RASGRF2: variants seen among roughly 807,000 people sequenced by gnomAD.
The protein encoded by RASGRF2 is ras-specific guanine nucleotide-releasing factor 2.
A neutral mutation model predicts 151.0 loss-of-function variants in RASGRF2; 76 were observed. The observed-to-expected ratio is 0.50, with a 90% CI of 0.42 to 0.61. The LOEUF (loss-of-function observed/expected upper bound fraction) is 0.61, where lower values mean the gene tolerates loss of function less well. RASGRF2 is among the 20% of genes least tolerant of loss of function. The pLI is 0.00. For missense variants in RASGRF2, 1,148 were observed against 1,564.6 expected (o/e 0.73, Z 4.49); for synonymous variants, 504 against 566.5 (o/e 0.89, Z 1.57).
At chr5:81,109,615 G>A (rs564981684) in intron 13 of RASGRF2, among the ~76,000 whole-genome samples, 184 of 152,224 alleles carry the variant, frequency 1.2e-3, no homozygotes, top group African/African-American at 4.4e-3. Flanking sequence ...GCAGTGAGCC[G>A]AGATCACGCC....
intron 23 of RASGRF2, 72 bp from the exon 24 acceptor site, chr5:81,215,804 A>G: frequency 1.4e-6 from 2 of 1,412,614 alleles, no homozygotes; most frequent in South Asian, 1.8e-5. Flanking sequence ...AGAACTGAAC[A>G]TCTTTTGGCA....
At chr5:80,961,639 A>T (rs1747561664) in intron 1 of RASGRF2, among the ~76,000 whole-genome samples, 1 of 152,134 alleles carries the variant, frequency 6.6e-6, no homozygotes. Context: ...ATTCCTCAGG[A>T]TTAATATTTG....
chr5:81,045,264 T>G (rs1056216849), intron 2 of RASGRF2, among the ~76,000 whole-genome samples: 2 of 152,196 alleles, frequency 1.3e-5, no homozygotes, highest in African/African-American at 4.8e-5. Context: ...AACATGCCTG[T>G]TTTCCTATCT....
At chr5:81,064,043 G>C (rs951825374) in intron 2 of RASGRF2, among the ~76,000 whole-genome samples, 1 of 152,108 alleles carries the variant, frequency 6.6e-6, no homozygotes, top group Non-Finnish European at 1.5e-5. Context: ...TGTGGGTCAG[G>C]AACCCAGGCA....
At chr5:81,187,432 C>G (rs1241453320) in intron 18 of RASGRF2, among the ~76,000 whole-genome samples, 1 of 152,218 alleles carries the variant, frequency 6.6e-6, no homozygotes, top group African/African-American at 2.4e-5. Context: ...TTCCAGTCTC[C>G]CACAGTGCCT....
chr5:80,969,815 C>CTTT (rs10584906), intron 1 of RASGRF2, among the ~76,000 whole-genome samples: 1,153 of 76,894 alleles, frequency 0.015, 30 homozygotes, highest in East Asian at 0.044. Flanking sequence ...ACTTCTTCTT[C>CTTT]TTTTTTTTTT....
chr5:81,011,152 G>T (rs866452357), intron 1 of RASGRF2, among the ~76,000 whole-genome samples: 10 of 151,986 alleles, frequency 6.6e-5, no homozygotes, highest in Admixed American at 1.3e-4. Flanking sequence ...ATTCATTTTG[G>T]TATATTTACT....
intron 1 of RASGRF2, among the ~76,000 whole-genome samples, chr5:81,001,016 A>G (rs571572826): frequency 3.7e-4 from 56 of 152,316 alleles, no homozygotes; most frequent in African/African-American, 1.2e-3. Context: ...TTCCTCATTT[A>G]CTGTTTAGAT....
intron 6 of RASGRF2, 106 bp downstream of exon 6, chr5:81,080,306 A>G: frequency 6.6e-7 from 1 of 1,517,536 alleles, no homozygotes. Flanking sequence ...CACCCTGTTG[A>G]CCTGTGAGCT....
At chr5:81,095,034 C>T (rs768178438) in intron 12 of RASGRF2, 42 bp downstream of exon 12, 1 of 1,340,402 alleles carries the variant, frequency 7.5e-7, no homozygotes, top group Admixed American at 2.9e-5. Context: ...TTTTAAATTT[C>T]ACAACTCAAA....
rs1204247537 is a variant in RASGRF2, at chr5:81,094,847, G to A, written c.1619-9G>A. On this transcript the variant is annotated splice_polypyrimidine_tract_variant and intron_variant, in intron 11 of 26. Coordinates refer to ENST00000265080, the MANE Select transcript of RASGRF2 (RefSeq NM_006909.3). ...TCTCATCTAATTGTTTGCTTTACAT[G>A]TGTTCAAGCTAAAGGTTCTGGGCAA... is the stretch of plus-strand genomic sequence containing the variant. 2 of 1,587,984 alleles carry A rather than the reference G, an allele frequency of 1.3e-6. No individual in the cohort carries two copies. Among genetic ancestry groups the A allele is most frequent in the Non-Finnish European group, 1.7e-6 (2 of 1,158,228 alleles).
At chr5:81,114,111 C>T (rs543206926) in intron 15 of RASGRF2, among the ~76,000 whole-genome samples, 191 bp downstream of exon 15, 43 of 152,182 alleles carry the variant, frequency 2.8e-4, no homozygotes, top group Non-Finnish European at 5.4e-4. Context: ...GAACAGAAAG[C>T]AAGATTAGTT....
At chr5:81,150,251 A>G (rs1383895159) in intron 17 of RASGRF2, among the ~76,000 whole-genome samples, 3 of 152,148 alleles carry the variant, frequency 2.0e-5, no homozygotes, top group African/African-American at 7.2e-5. Context: ...CCTGCACCTG[A>G]GTTCTGCCGT....
chr5:81,080,903 A>G (rs1752068164), intron 7 of RASGRF2, 114 bp downstream of exon 7: 14 of 917,326 alleles, frequency 1.5e-5, no homozygotes, highest in Non-Finnish European at 2.0e-5. Context: ...TATGGCACAG[A>G]TGTACCATCT....
chr5:81,141,887 T>C (rs1212079283), intron 17 of RASGRF2, among the ~76,000 whole-genome samples: 4 of 152,196 alleles, frequency 2.6e-5, no homozygotes, highest in Admixed American at 6.5e-5. Context: ...AGAGGAAGCA[T>C]GTATTTCTGT....
intron 1 of RASGRF2, among the ~76,000 whole-genome samples, chr5:81,039,450 T>C (rs1399066289): frequency 1.3e-5 from 2 of 152,138 alleles, no homozygotes; most frequent in Non-Finnish European, 2.9e-5. Context: ...TTAGAAAGTG[T>C]AGCAGGTCTA....
At chr5:81,025,943 T>C (rs1750006526) in intron 1 of RASGRF2, among the ~76,000 whole-genome samples, 1 of 151,758 alleles carries the variant, frequency 6.6e-6, no homozygotes, top group African/African-American at 2.4e-5. Flanking sequence ...ACTCCCTCCC[T>C]CCCCACACGG....
chr5:81,214,707 G>A (rs1755696973), intron 23 of RASGRF2, among the ~76,000 whole-genome samples: 1 of 152,198 alleles, frequency 6.6e-6, no homozygotes, highest in Non-Finnish European at 1.5e-5. Context: ...GGCATTCCAA[G>A]TTCTTCTCCA....
intron 17 of RASGRF2, among the ~76,000 whole-genome samples, chr5:81,166,732 G>A (rs965043544): frequency 9.9e-5 from 15 of 152,098 alleles, no homozygotes; most frequent in African/African-American, 2.9e-4. Flanking sequence ...GGCAACCTGA[G>A]CTTCATCCAA....
Sources: gnomAD v4.1 joint callset for allele counts (sites outside exome capture counted in the v4.1 genomes callset) on GRCh38, gnomAD v4.1.1 for gene constraint, MANE v1.5 for transcripts, NCBI Gene and HGNC (gene_info 2026-07-23, HGNC 2026-07-21) for gene names.